Variants in KCNH8 observed in about 807,000 individuals in gnomAD.
KCNH8 encodes the protein potassium voltage-gated channel subfamily H member 8, also known as voltage-gated delayed rectifier potassium channel KCNH8.
Under a neutral mutation model 103.6 loss-of-function variants are expected in KCNH8, and 70 were observed. That is an observed-to-expected ratio of 0.68 (90% CI 0.56 to 0.82). The LOEUF is 0.82. KCNH8 is among the 40% of genes least tolerant of loss of function. The pLI, the probability that KCNH8 is intolerant of heterozygous loss-of-function variation, is 0.00. For synonymous variants in KCNH8, 498 were observed against 489.4 expected (o/e 1.02, Z -0.23); for missense variants, 1,217 against 1,329.9 (o/e 0.92, Z 1.32).
At chr3:19,424,227 G>A (rs1356831892) in intron 7 of KCNH8, among the ~76,000 whole-genome samples, 1 of 152,120 alleles carries the variant, frequency 6.6e-6, no homozygotes, top group Admixed American at 6.6e-5. Flanking sequence ...ACAGGCTATA[G>A]ATACCAAAAC....
At chr3:19,255,607 G>A (rs903378390) in intron 2 of KCNH8, among the ~76,000 whole-genome samples, 1 of 151,964 alleles carries the variant, frequency 6.6e-6, no homozygotes, top group African/African-American at 2.4e-5. Context: ...GTTTACCTGT[G>A]TAACAAACCT....
intron 15 of KCNH8, among the ~76,000 whole-genome samples, chr3:19,532,013 CAT>C (rs1228063538): frequency 6.6e-6 from 1 of 152,150 alleles, no homozygotes. Context: ...CTAGAAAATA[CAT>C]GTGTGTGTCC....
intron 5 of KCNH8, among the ~76,000 whole-genome samples, chr3:19,381,404 A>G (rs1305574391): frequency 1.3e-5 from 2 of 152,224 alleles, no homozygotes; most frequent in African/African-American, 2.4e-5. Context: ...TGGATTGTAG[A>G]CAAATTATAA....
intron 1 of KCNH8, among the ~76,000 whole-genome samples, chr3:19,197,018 C>T (rs1487956188): frequency 6.6e-6 from 1 of 151,960 alleles, no homozygotes; most frequent in Non-Finnish European, 1.5e-5. Flanking sequence ...ATAGGTAAAA[C>T]AGGGGTCCTA....
intron 1 of KCNH8, among the ~76,000 whole-genome samples, chr3:19,174,630 G>A (rs1406001384): frequency 6.6e-6 from 1 of 152,140 alleles, no homozygotes; most frequent in Non-Finnish European, 1.5e-5. Context: ...TCTGCATTGT[G>A]TCTGAAAACA....
intron 11 of KCNH8, among the ~76,000 whole-genome samples, chr3:19,461,761 C>A (rs974905626): frequency 6.6e-6 from 1 of 152,126 alleles, no homozygotes; most frequent in African/African-American, 2.4e-5. Context: ...TGGTTTGCCG[C>A]ACCCATTAAC....
At chr3:19,502,233 T>C (rs1022034177) in intron 11 of KCNH8, among the ~76,000 whole-genome samples, 1 of 151,538 alleles carries the variant, frequency 6.6e-6, no homozygotes, top group African/African-American at 2.4e-5. Context: ...AAGGGCCTCT[T>C]CAAGGAGAAC....
intron 3 of KCNH8, among the ~76,000 whole-genome samples, chr3:19,315,773 T>G (rs543291824): frequency 6.6e-6 from 1 of 152,118 alleles, no homozygotes; most frequent in South Asian, 2.1e-4. Flanking sequence ...TTACTGAGAT[T>G]ATTATCGATT....
intron 6 of KCNH8, among the ~76,000 whole-genome samples, chr3:19,393,913 T>C (rs1167379674): frequency 6.6e-6 from 1 of 152,128 alleles, no homozygotes; most frequent in Non-Finnish European, 1.5e-5. Context: ...AACTTGATAA[T>C]TTATTCATTC....
intron 5 of KCNH8, among the ~76,000 whole-genome samples, chr3:19,374,871 G>A (rs1224423781): frequency 2.0e-5 from 3 of 151,996 alleles, no homozygotes; most frequent in Non-Finnish European, 4.4e-5. Context: ...ATGAAGCTTA[G>A]TTTGGCTGGA....
chr3:19,392,519 CAGGAAAACATAAGTTATG>C (rs1212526625), intron 6 of KCNH8, among the ~76,000 whole-genome samples: 1 of 151,812 alleles, frequency 6.6e-6, no homozygotes, highest in Non-Finnish European at 1.5e-5. Context: ...GTTTTCTTCT[CAGGAAAACATAAGTTATG>C]AGGAATAACT....
intron 11 of KCNH8, among the ~76,000 whole-genome samples, chr3:19,494,315 T>A (rs1000504743): frequency 6.6e-6 from 1 of 152,212 alleles, no homozygotes; most frequent in Non-Finnish European, 1.5e-5. Context: ...TGAGAGATGA[T>A]TGAATCATGG....
chr3:19,168,642 G>A (rs920587808), intron 1 of KCNH8, among the ~76,000 whole-genome samples: 3 of 152,160 alleles, frequency 2.0e-5, no homozygotes, highest in Non-Finnish European at 4.4e-5. Context: ...GGGTAAATGT[G>A]AACAGCCATA....
At chr3:19,357,874 T>C (rs2065899430) in intron 5 of KCNH8, among the ~76,000 whole-genome samples, 1 of 151,902 alleles carries the variant, frequency 6.6e-6, no homozygotes, top group Admixed American at 6.6e-5. Flanking sequence ...GCTGAGAAGC[T>C]TTCATAATAG....
chr3:19,364,091 T>A (rs1477883706), intron 5 of KCNH8, among the ~76,000 whole-genome samples: 1 of 152,046 alleles, frequency 6.6e-6, no homozygotes, highest in African/African-American at 2.4e-5. Context: ...TCTCCCTTCC[T>A]CTCTTCCTCT....
intron 11 of KCNH8, among the ~76,000 whole-genome samples, chr3:19,490,189 G>A (rs1303194779): frequency 2.0e-5 from 3 of 152,246 alleles, no homozygotes; most frequent in Non-Finnish European, 4.4e-5. Flanking sequence ...TGACTCAACT[G>A]TCCGTCCTTA....
intron 7 of KCNH8, among the ~76,000 whole-genome samples, chr3:19,436,727 C>T (rs574376839): frequency 6.6e-6 from 1 of 152,288 alleles, no homozygotes; most frequent in South Asian, 2.1e-4. Context: ...GACACACCAT[C>T]TCACACATGT....
intron 3 of KCNH8, among the ~76,000 whole-genome samples, chr3:19,290,894 G>A: frequency 6.6e-6 from 1 of 152,126 alleles, no homozygotes; most frequent in African/African-American, 2.4e-5. Flanking sequence ...TGGTTGGTAA[G>A]CTATTAATTA....
intron 3 of KCNH8, among the ~76,000 whole-genome samples, chr3:19,309,499 C>T (rs1202741427): frequency 6.6e-6 from 1 of 151,920 alleles, no homozygotes; most frequent in Non-Finnish European, 1.5e-5. Context: ...CACCAAACAT[C>T]TAGACACAGA....
Sources: gnomAD v4.1 joint callset for allele counts (sites outside exome capture counted in the v4.1 genomes callset) on GRCh38, gnomAD v4.1.1 for gene constraint, MANE v1.5 for transcripts, NCBI Gene and HGNC (gene_info 2026-07-23, HGNC 2026-07-21) for gene names.